Variants in C2orf49 observed in about 807,000 individuals in gnomAD.
C2orf49 encodes the protein tRNA splicing ligase complex subunit 2, also known as tRNA-splicing ligase complex subunit ASW.
Under a neutral mutation model 20.6 loss-of-function variants are expected in C2orf49, and 11 were observed. That is an observed-to-expected ratio of 0.53 (90% confidence interval 0.34 to 0.88). The LOEUF (loss-of-function observed/expected upper bound fraction) is 0.88. C2orf49 is among the 40% of genes least tolerant of loss of function. The pLI is 0.02. For synonymous variants in C2orf49, 134 were observed against 108.5 expected (o/e 1.24, Z -1.46); for missense variants, 289 against 274.2 (o/e 1.05, Z -0.38).
chr2:105,362,859 G>C, the C2orf49 span, among the ~76,000 whole-genome samples: 2 of 152,158 alleles, frequency 1.3e-5, no homozygotes, highest in East Asian at 1.9e-4. Flanking sequence ...TATAGCTATG[G>C]CCTTGTGGTA....
At chr2:105,367,697 G>A in the C2orf49 span, 3 of 1,614,182 alleles carry the variant, frequency 1.9e-6, no homozygotes, top group Non-Finnish European at 2.5e-6. Context: ...GATGAAGCAG[G>A]TCTCATGCCA....
chr2:105,373,636 T>C, the C2orf49 span: 5 of 1,614,220 alleles, frequency 3.1e-6, no homozygotes, highest in Non-Finnish European at 4.2e-6. Flanking sequence ...GAGCAGCTGG[T>C]CCTCCTTGGC....
the C2orf49 span, chr2:105,376,115 A>G: frequency 6.6e-6 from 1 of 152,268 alleles, no homozygotes; most frequent in Admixed American, 6.5e-5. Context: ...GACCATCATT[A>G]CCCCATCTGT....
In C2orf49 at chr2:105,345,482, G is replaced by A; in HGVS notation, c.*111G>A. ...GATTATTGTGGAATTTTCTTAAGAG[G>A]TTTCAAATAGGTTTAAAAAAATAAA... On this transcript the variant is annotated 3_prime_UTR_variant, in exon 4 of 4. Transcript: ENST00000258457. 2.4e-6 allele frequency: 2 copies of A among 837,094 alleles called. No homozygotes were observed. Among genetic ancestry groups the A allele is most frequent in the Admixed American group, 2.7e-5 (1 of 36,426 alleles). 51.9% of individuals were successfully genotyped at this position (837,094 alleles called of 1,614,324 possible).
chr2:105,374,662 C>T, the C2orf49 span: 1 of 152,238 alleles, frequency 6.6e-6, no homozygotes, highest in South Asian at 2.1e-4. Context: ...AACTCGACTC[C>T]ACACTTGGCT....
the C2orf49 span, among the ~76,000 whole-genome samples, chr2:105,370,212 C>CCA: frequency 1.3e-5 from 2 of 151,722 alleles, no homozygotes; most frequent in African/African-American, 4.8e-5. Flanking sequence ...GTCTCTACCC[C>CCA]CCCAAAAAAA....
the C2orf49 span, among the ~76,000 whole-genome samples, chr2:105,366,796 A>G: frequency 6.6e-5 from 10 of 152,276 alleles, no homozygotes; most frequent in South Asian, 1.7e-3. Flanking sequence ...CCCAGGCTGG[A>G]GTGCAGTGGT....
chr2:105,362,281 G>A, the C2orf49 span, among the ~76,000 whole-genome samples: 3 of 152,156 alleles, frequency 2.0e-5, no homozygotes, highest in African/African-American at 7.2e-5. Flanking sequence ...TAGGTAAAGT[G>A]TAAATACTGT....
intron 1 of C2orf49, among the ~76,000 whole-genome samples, chr2:105,338,524 G>A (rs1363178447): frequency 6.6e-6 from 1 of 152,136 alleles, no homozygotes; most frequent in Non-Finnish European, 1.5e-5. Context: ...TCCGGAATGT[G>A]GCCCGAAATC....
At chr2:105,382,894 T>C in the C2orf49 span, among the ~76,000 whole-genome samples, 1 of 152,206 alleles carries the variant, frequency 6.6e-6, no homozygotes, top group African/African-American at 2.4e-5. Context: ...TTTTTTATTT[T>C]TATTTTTTTA....
chr2:105,341,654 A>G (rs1224008477), intron 2 of C2orf49, among the ~76,000 whole-genome samples: 2 of 152,210 alleles, frequency 1.3e-5, no homozygotes, highest in Non-Finnish European at 2.9e-5. Context: ...TTCAGTGATG[A>G]CCCAAGAATT....
At chr2:105,376,627 A>G in the C2orf49 span, 1 of 152,382 alleles carries the variant, frequency 6.6e-6, no homozygotes, top group African/African-American at 2.4e-5. Flanking sequence ...TATTAAAAGT[A>G]GAATTACCAT....
chr2:105,352,110 T>C (rs1558670919), downstream of C2orf49, among the ~76,000 whole-genome samples: 1 of 152,216 alleles, frequency 6.6e-6, no homozygotes, highest in Non-Finnish European at 1.5e-5. Context: ...TGCAGAATTG[T>C]TAGCCTCTAC....
At chr2:105,373,649 C>T in the C2orf49 span, 1 of 1,614,230 alleles carries the variant, frequency 6.2e-7, no homozygotes, top group South Asian at 1.1e-5. Flanking sequence ...TCCTTGGCAG[C>T]AAAGGGCTTG....
In C2orf49 at chr2:105,344,198, C is replaced by G. The variant is rs2104451246; in HGVS notation, c.642+975C>G. Among the ~76,000 whole-genome samples, 3 of 152,262 alleles carry G rather than the reference C, an allele frequency of 2.0e-5. No homozygotes were observed. The South Asian group carries it at 6.2e-4, about 32-fold the overall frequency. ...GAATTCCAGAGTTATTAGTAAGCCA[C>G]CAGGCTGCGATTTGAATTTAGGTTT... On this transcript the variant is annotated intron_variant, in intron 3 of 3. Coordinates refer to ENST00000258457, the MANE Select transcript of C2orf49 (RefSeq NM_024093.3).
downstream of C2orf49, among the ~76,000 whole-genome samples, chr2:105,350,389 A>G (rs1679906739): frequency 1.3e-5 from 2 of 152,230 alleles, no homozygotes; most frequent in Non-Finnish European, 2.9e-5. Context: ...GAGCCAGATG[A>G]TGTATGAATG....
chr2:105,356,091 T>G, the C2orf49 span, among the ~76,000 whole-genome samples: 1 of 151,884 alleles, frequency 6.6e-6, no homozygotes, highest in South Asian at 2.1e-4. Flanking sequence ...ACAAAAAAAA[T>G]TTTAAAAATA....
chr2:105,363,347 C>G, the C2orf49 span: 1 of 1,614,228 alleles, frequency 6.2e-7, no homozygotes, highest in Non-Finnish European at 8.5e-7. Context: ...GCAGTTCAGG[C>G]AGTAGGCAAA....
chr2:105,382,343 G>A, the C2orf49 span, among the ~76,000 whole-genome samples: 3 of 152,190 alleles, frequency 2.0e-5, no homozygotes, highest in East Asian at 3.8e-4. Context: ...CATCTGGCCC[G>A]AGAGTCACAT....
Sources: allele counts gnomAD v4.1 joint callset (sites outside exome capture counted in the v4.1 genomes callset), GRCh38; gene constraint gnomAD v4.1.1; transcripts MANE v1.5; gene names NCBI Gene and HGNC (gene_info 2026-07-23, HGNC 2026-07-21).